MYOM1: variants seen among roughly 807,000 people sequenced by gnomAD.
The protein encoded by MYOM1 is myomesin-1.
A neutral mutation model predicts 205.3 loss-of-function variants in MYOM1; 164 were observed. The observed-to-expected ratio is 0.80, with a 90% confidence interval of 0.70 to 0.91. The LOEUF is 0.91. Ranked by LOEUF, MYOM1 falls within the 40% of genes least tolerant of loss-of-function variation. The probability of loss-of-function intolerance (pLI) is 0.00; values close to 1 mark genes in which losing one functional copy is unlikely to be tolerated. For missense variants in MYOM1, 2,011 were observed against 2,127.3 expected (o/e 0.95, Z 1.08); for synonymous variants, 772 against 789.4 (o/e 0.98, Z 0.37).
intron 14 of MYOM1, among the ~76,000 whole-genome samples, chr18:3,138,090 G>A (rs948296772): frequency 2.0e-5 from 3 of 152,124 alleles, no homozygotes; most frequent in African/African-American, 7.2e-5. Flanking sequence ...TGAAGGACGT[G>A]GTGTATATTT....
At chr18:3,124,376 C>T (rs1333760783) in intron 19 of MYOM1, among the ~76,000 whole-genome samples, 6 of 146,632 alleles carry the variant, frequency 4.1e-5, no homozygotes, top group African/African-American at 7.7e-5. Flanking sequence ...GATCTTGGCT[C>T]ACTGCAAGCT....
chr18:3,162,472 C>T (rs1374402421), intron 10 of MYOM1, among the ~76,000 whole-genome samples: 1 of 152,136 alleles, frequency 6.6e-6, no homozygotes, highest in Admixed American at 6.5e-5. Context: ...CTCCTTTGCT[C>T]CTCCTGCCCC....
At chr18:3,236,033 G>A in the MYOM1 span, among the ~76,000 whole-genome samples, 1 of 152,204 alleles carries the variant, frequency 6.6e-6, no homozygotes, top group Non-Finnish European at 1.5e-5. Flanking sequence ...CAGGAAGTAG[G>A]AGAAGAGGGT....
chr18:3,077,999 C>G (rs1184870702), intron 34 of MYOM1, among the ~76,000 whole-genome samples: 1 of 151,970 alleles, frequency 6.6e-6, no homozygotes, highest in Non-Finnish European at 1.5e-5. Context: ...GATGAATCTG[C>G]TCTCTGAGGT....
Position 3,134,765 on chromosome 18 carries a change from C to G in MYOM1, c.2269G>C (p.Val757Leu). Reference sequence around the variant, plus strand: ...GCATCTTTGGACTCCTCCCACGAAACTACCACTGAGGTGTCTGTGTTTCTG... The same window carrying G: ...GCATCTTTGGACTCCTCCCACGAAAGTACCACTGAGGTGTCTGTGTTTCTG... Reference protein sequence around the residue: ...PSRNTDTSVVVSWEESKDAKE... With the variant: ...PSRNTDTSVVLSWEESKDAKE... Residue 757 changes from valine (V) to leucine (L), a missense_variant, in exon 16 of 38, where the codon GTT (valine) becomes CTT (leucine). Transcript: ENST00000356443. The G allele has an allele frequency of 6.2e-7, 1 of 1,613,966 alleles. No individual in the cohort carries two copies. Among genetic ancestry groups the G allele is most frequent in the South Asian group, 1.1e-5 (1 of 91,082 alleles).
At position 3,086,131 on chromosome 18, in the gene MYOM1, C is replaced by A; in HGVS notation, c.4158G>T (p.Glu1386Asp). 1 of 1,601,198 alleles carries A rather than the reference C, an allele frequency of 6.2e-7. No individual in the cohort carries two copies. The highest frequency in any genetic ancestry group is 8.5e-7 in the Non-Finnish European group (1 of 1,175,304). ...LKCKVANIKK[E>D]THIVWYKDER... ...CATCTTTGTACCACACAATATGAGTCTCCTTCTTAATATTTGCCACCTAGG... is the reference window on the plus strand; with the variant it reads ...CATCTTTGTACCACACAATATGAGTATCCTTCTTAATATTTGCCACCTAGG... Residue 1386 changes from glutamate to aspartate, a missense_variant, in exon 30 of 38, where the codon GAG becomes GAT. Physicochemically the swap from Glu to Asp is conservative, Grantham distance 45. Transcript: ENST00000356443.
intron 9 of MYOM1, among the ~76,000 whole-genome samples, chr18:3,168,161 T>C (rs1015364624): frequency 6.6e-5 from 10 of 152,146 alleles, no homozygotes; most frequent in Non-Finnish European, 1.5e-4. Context: ...TGTACTCTTC[T>C]GGTTAATTAA....
intron 21 of MYOM1, among the ~76,000 whole-genome samples, 163 bp from the exon 22 acceptor site, chr18:3,112,575 G>T (rs1294578622): frequency 6.6e-6 from 1 of 152,218 alleles, no homozygotes; most frequent in Admixed American, 6.5e-5. Context: ...CACTACGCAG[G>T]TGACTTTAGC....
At chr18:3,123,111 C>T (rs973067889) in intron 19 of MYOM1, among the ~76,000 whole-genome samples, 1 of 152,182 alleles carries the variant, frequency 6.6e-6, no homozygotes, top group Admixed American at 6.5e-5. Context: ...CAGGTGTGAG[C>T]CACCATGCCC....
rs766824059 is a variant in MYOM1 at position 3,215,026 on chromosome 18, G to A, written c.198C>T (p.Ala66=). 1.9e-6 allele frequency: 3 copies of A among 1,612,546 alleles called. No individual in the cohort carries two copies. The highest frequency in any genetic ancestry group is 1.3e-5 in the African/African-American group (1 of 75,026). Residue 66 remains alanine (A), a synonymous_variant, in exon 2 of 38, where the codon GCC becomes GCT. Transcript: ENST00000356443. The stretch of plus-strand genomic sequence containing the variant: ...GCGAGGCCTGCTGCTGGGAGGAGGA[G>A]GCGGACGCCCGACGGAAGGCCTCGG... The part of the protein sequence containing the change: ...RESEAFRRAS[A]SSSQQQASQH...
intron 5 of MYOM1, among the ~76,000 whole-genome samples, chr18:3,177,284 A>G (rs1028431000): frequency 2.0e-5 from 3 of 152,110 alleles, no homozygotes; most frequent in Non-Finnish European, 4.4e-5. Flanking sequence ...AAAAATAAAT[A>G]AAACAAATAA....
chr18:3,241,404 G>A, the MYOM1 span, among the ~76,000 whole-genome samples: 847 of 152,302 alleles, frequency 5.6e-3, 5 homozygotes, highest in Middle Eastern at 0.01. Flanking sequence ...AGCTCGGGCC[G>A]TGGCCTCAAA....
intron 20 of MYOM1, 32 bp downstream of exon 20, chr18:3,119,837 G>A: frequency 1.3e-6 from 2 of 1,577,988 alleles, no homozygotes; most frequent in South Asian, 2.3e-5. Flanking sequence ...AAATTCCGAG[G>A]TGCGGTGTGG....
At chr18:3,238,146 C>T in the MYOM1 span, among the ~76,000 whole-genome samples, 16 of 152,238 alleles carry the variant, frequency 1.1e-4, no homozygotes, top group Middle Eastern at 3.4e-3. Context: ...TACAACTGGA[C>T]GGTCCCATCT....
At chr18:3,144,118 A>G (rs2143952454) in intron 13 of MYOM1, among the ~76,000 whole-genome samples, 1 of 152,112 alleles carries the variant, frequency 6.6e-6, no homozygotes, top group South Asian at 2.1e-4. Flanking sequence ...AGGCAGGAGA[A>G]TGGCATGAAC....
chr18:3,072,370 T>TTTTTTG (rs768555182), intron 36 of MYOM1, among the ~76,000 whole-genome samples: 19 of 115,996 alleles, frequency 1.6e-4, no homozygotes, highest in East Asian at 5.2e-4. Context: ...TTTTTTTTTT[T>TTTTTTG]TGAGGCAGAG....
At chr18:3,108,829 G>A (rs957679451) in intron 22 of MYOM1, among the ~76,000 whole-genome samples, 3 of 151,936 alleles carry the variant, frequency 2.0e-5, no homozygotes, top group Admixed American at 6.6e-5. Context: ...GTGAGGCACC[G>A]TGTCCGGCCA....
At chr18:3,161,862 G>A (rs1016020528) in intron 10 of MYOM1, among the ~76,000 whole-genome samples, 2 of 152,092 alleles carry the variant, frequency 1.3e-5, no homozygotes, top group African/African-American at 4.8e-5. Flanking sequence ...ACTAGGATGA[G>A]AATTCTAACA....
At chr18:3,088,056 A>G (rs1000405538) in intron 29 of MYOM1, among the ~76,000 whole-genome samples, 12 of 152,338 alleles carry the variant, frequency 7.9e-5, no homozygotes, top group African/African-American at 2.9e-4. Flanking sequence ...CATTCCAGGC[A>G]TTGGAACGAC....
Sources: gnomAD v4.1 joint callset for allele counts (sites outside exome capture counted in the v4.1 genomes callset) on GRCh38, gnomAD v4.1.1 for gene constraint, MANE v1.5 for transcripts, NCBI Gene and HGNC (gene_info 2026-07-23, HGNC 2026-07-21) for gene names.